NUDT3: variants seen among roughly 807,000 people sequenced by gnomAD.
The protein encoded by NUDT3 is diphosphoinositol polyphosphate phosphohydrolase 1.
Under a neutral mutation model 23.6 loss-of-function variants are expected in NUDT3, and 9 were observed. That is an observed-to-expected ratio of 0.38 (90% confidence interval 0.23 to 0.66). The LOEUF is 0.66. Ranked by LOEUF, NUDT3 falls within the 30% of genes least tolerant of loss-of-function variation. The pLI is 0.52. For missense variants in NUDT3, 172 were observed against 218.5 expected, an observed-to-expected ratio of 0.79 and a Z score of 1.34; for synonymous variants, 86 against 82.6, an observed-to-expected ratio of 1.04 and a Z score of -0.22.
chr6:34,376,801 G>C (rs3798562), intron 1 of NUDT3, among the ~76,000 whole-genome samples: 11,234 of 152,054 alleles, frequency 0.074, 1,231 homozygotes, highest in East Asian at 0.44. Context: ...GTTCCCCACT[G>C]TAGGATCAAA....
In NUDT3 at chr6:34,348,630, G is replaced by C. The variant is rs562099135; in HGVS notation, c.100-6658C>G. Among the ~76,000 whole-genome samples, 3 of 152,132 alleles carry C rather than the reference G, an allele frequency of 2.0e-5. No individual in the cohort carries two copies. The East Asian group carries it at 5.8e-4, about 30-fold the overall frequency. On this transcript the variant is annotated intron_variant, in intron 1 of 4. Transcript: ENST00000607016. ...GTCTCTACTAAAAATACAAAAATTA[G>C]CCGGGCGTGGTGGCGGGCGCCTGTA...
rs184756731 is a variant in NUDT3 at position 34,374,534 on chromosome 6, A to T, written c.99+17730T>A. ...GTGACGCTGTTATGATCAGCATCTG[A>T]TTTTTTTTTTAATGCCTGCACAATC... On this transcript the variant is annotated intron_variant, in intron 1 of 4. Transcript: ENST00000607016. Among the ~76,000 whole-genome samples, 444 of 148,946 alleles carry T rather than the reference A, an allele frequency of 3.0e-3. 2 individuals are homozygous for T. The highest frequency in any genetic ancestry group is 5.4e-3 in the Admixed American group (80 of 14,940).
At position 34,346,576 on chromosome 6, in the gene NUDT3, T is replaced by C. The variant is rs542132768; in HGVS notation, c.100-4604A>G. Among the ~76,000 whole-genome samples, 19 of 152,326 alleles carry C rather than the reference T, an allele frequency of 1.2e-4. No individual in the cohort carries two copies. The South Asian group carries it at 3.1e-3, about 25-fold the overall frequency. Reference sequence around the variant, plus strand: ...TAATTAGTAAATCTAGCAAGTGTTATTGCTTTGCACAGTCAGCCATGACTA... The same window carrying C: ...TAATTAGTAAATCTAGCAAGTGTTACTGCTTTGCACAGTCAGCCATGACTA... On this transcript the variant is annotated intron_variant, in intron 1 of 4. Coordinates refer to ENST00000607016, the MANE Select transcript of NUDT3 (RefSeq NM_006703.4).
rs1232812096 is a variant in NUDT3 at position 34,297,759 on chromosome 6, AATT to A, written c.211-2077_211-2075del. Among the ~76,000 whole-genome samples, 562 of 71,036 alleles carry A rather than the reference AATT, an allele frequency of 7.9e-3. 3 individuals carry two copies. Among genetic ancestry groups the A allele is most frequent in the African/African-American group, 0.016 (238 of 15,098 alleles). The allele number at this position is 71,036 out of a possible 152,430, so 46.6% of individuals were successfully genotyped here. A position where few individuals can be genotyped will look rare whatever the true frequency, so the allele number is the denominator to read the frequency against. ...TATATATATATATATATATATATAT[AATT>A]TTTTTTTTTTTTTTAGTAGAGACGG... On this transcript the variant is annotated intron_variant, in intron 2 of 4. Transcript: ENST00000607016.
rs1763272132 is a variant in NUDT3 at position 34,280,876 on chromosome 6, A to C, written c.*7877T>G. ...TGTCTCAGTTCCACAGATATTACTC[A>C]ACTTGGCCATTTACGCCTCAGCTAA... On this transcript the variant is annotated 3_prime_UTR_variant, in exon 5 of 5. Coordinates refer to ENST00000607016, the MANE Select transcript of NUDT3 (RefSeq NM_006703.4). 6.6e-6 allele frequency: 1 copy of C among 152,166 alleles called. No homozygotes were observed. Among genetic ancestry groups the C allele is most frequent in the Admixed American group, 6.5e-5 (1 of 15,280 alleles). 9.4% of individuals were successfully genotyped at this position (152,166 alleles called of 1,614,324 possible). A position where few individuals can be genotyped will look rare whatever the true frequency, so the allele number is the denominator to read the frequency against.
intron 2 of NUDT3, among the ~76,000 whole-genome samples, chr6:34,330,023 C>T (rs1369678703): frequency 6.6e-6 from 1 of 152,180 alleles, no homozygotes; most frequent in South Asian, 2.1e-4. Flanking sequence ...TGCCTATGTG[C>T]CACATTTTCT....
At chr6:34,311,135 A>G (rs969005477) in intron 2 of NUDT3, among the ~76,000 whole-genome samples, 1 of 152,208 alleles carries the variant, frequency 6.6e-6, no homozygotes, top group Non-Finnish European at 1.5e-5. Context: ...AGAATAAAAC[A>G]AAACTGTATT....
At chr6:34,389,897 G>A (rs966237620) in intron 1 of NUDT3, among the ~76,000 whole-genome samples, 6 of 151,958 alleles carry the variant, frequency 3.9e-5, no homozygotes, top group South Asian at 2.1e-4. Context: ...CCGGGAGGCG[G>A]AGCTTGCAGT....
rs1392740988 is a variant in NUDT3, at chr6:34,285,600, ATCAATG to A, written c.*3147_*3152del. On this transcript the variant is annotated 3_prime_UTR_variant, in exon 5 of 5. Transcript: ENST00000607016. ...TCAGCTCTGGTAGAATTAATGACAAATCAATGTCAGTGAAATATTCTGCAAACAGGG... is the reference window on the plus strand; with the variant it reads ...TCAGCTCTGGTAGAATTAATGACAAATCAGTGAAATATTCTGCAAACAGGG... 6.6e-6 allele frequency: 1 copy of A among 152,194 alleles called. No homozygotes were observed. Among genetic ancestry groups the A allele is most frequent in the Non-Finnish European group, 1.5e-5 (1 of 68,048 alleles). 9.4% of individuals were successfully genotyped at this position (152,194 alleles called of 1,614,324 possible).
chr6:34,376,717 G>C (rs1295052443), intron 1 of NUDT3, among the ~76,000 whole-genome samples: 1 of 151,908 alleles, frequency 6.6e-6, no homozygotes, highest in Admixed American at 6.6e-5. Context: ...ATTCCCTCTG[G>C]TAGCCCCCGC....
chr6:34,300,122 T>C (rs967259034), intron 2 of NUDT3, among the ~76,000 whole-genome samples: 6 of 152,150 alleles, frequency 3.9e-5, no homozygotes, highest in African/African-American at 1.4e-4. Context: ...GGTATTTCTC[T>C]GGAAAGGGCT....
In NUDT3 at chr6:34,371,958, T is replaced by C. The variant is rs145760255; in HGVS notation, c.99+20306A>G. Among the ~76,000 whole-genome samples, 59 of 152,330 alleles carry C rather than the reference T, an allele frequency of 3.9e-4. No homozygotes were observed. In the Middle Eastern group the frequency reaches 0.01, roughly 26 times the overall value. On this transcript the variant is annotated intron_variant, in intron 1 of 4. Coordinates refer to ENST00000607016, the MANE Select transcript of NUDT3 (RefSeq NM_006703.4). ...CCACCCTGTGTCCAAGTGTTCTTAT[T>C]GTTCAATTCCCACCTATAAGTGAGA...
In NUDT3 at chr6:34,293,542, G is replaced by A. The variant is rs1763454982; in HGVS notation, c.256-7C>T. Reference sequence around the variant, plus strand: ...TGTGCTTCCTCTCCTGGTTCTGAAGGGCAAAGAGAGAAGGATAGAGAGAGT... The same window carrying A: ...TGTGCTTCCTCTCCTGGTTCTGAAGAGCAAAGAGAGAAGGATAGAGAGAGT... On this transcript the variant is annotated splice_polypyrimidine_tract_variant and splice_region_variant and intron_variant, in intron 3 of 4. Coordinates refer to ENST00000607016, the MANE Select transcript of NUDT3 (RefSeq NM_006703.4). The A allele has an allele frequency of 6.2e-6, 10 of 1,614,086 alleles. No homozygotes were observed. Among genetic ancestry groups the A allele is most frequent in the Non-Finnish European group, 7.6e-6 (9 of 1,179,978 alleles).
intron 2 of NUDT3, among the ~76,000 whole-genome samples, chr6:34,300,375 G>A (rs1763581150): frequency 6.6e-6 from 1 of 152,182 alleles, no homozygotes; most frequent in Non-Finnish European, 1.5e-5. Flanking sequence ...CTGCTACCAG[G>A]GAGACCCAGA....
chr6:34,372,975 G>A (rs1420179355), intron 1 of NUDT3, among the ~76,000 whole-genome samples: 3 of 151,122 alleles, frequency 2.0e-5, no homozygotes, highest in African/African-American at 7.3e-5. Context: ...CATAGAGAGA[G>A]AGAGAGCGAG....
intron 2 of NUDT3, among the ~76,000 whole-genome samples, chr6:34,320,256 C>T (rs971605933): frequency 9.9e-5 from 15 of 151,880 alleles, no homozygotes; most frequent in Admixed American, 6.6e-4. Flanking sequence ...GACGGAGTCT[C>T]GTATGGTTGC....
chr6:34,355,462 C>T (rs770304556), intron 1 of NUDT3, among the ~76,000 whole-genome samples: 2 of 151,912 alleles, frequency 1.3e-5, no homozygotes, highest in South Asian at 2.1e-4. Context: ...TCTCTGTTCA[C>T]GAAGGATACA....
At chr6:34,378,308 A>G (rs1245882431) in intron 1 of NUDT3, among the ~76,000 whole-genome samples, 2 of 152,032 alleles carry the variant, frequency 1.3e-5, no homozygotes, top group Admixed American at 6.6e-5. Flanking sequence ...GACTTGGGGG[A>G]AAAAAAGGAA....
intron 1 of NUDT3, among the ~76,000 whole-genome samples, chr6:34,359,003 A>G (rs1414384214): frequency 6.6e-6 from 1 of 152,236 alleles, no homozygotes; most frequent in East Asian, 1.9e-4. Context: ...TCTACTGGAA[A>G]TAACATTTAC....
Sources: gnomAD v4.1 joint callset for allele counts (sites outside exome capture counted in the v4.1 genomes callset) on GRCh38, gnomAD v4.1.1 for gene constraint, MANE v1.5 for transcripts, NCBI Gene and HGNC (gene_info 2026-07-23, HGNC 2026-07-21) for gene names.